Variants in NEK4 observed in about 807,000 individuals in gnomAD.
NEK4 encodes NIMA related kinase 4.
Under a neutral mutation model 98.4 loss-of-function variants are expected in NEK4, and 86 were observed. The ratio of observed to expected loss-of-function variants is 0.87; its 90% CI spans 0.73 to 1.05. The LOEUF (loss-of-function observed/expected upper bound fraction) is 1.05, where lower values mean the gene tolerates loss of function less well. NEK4 is among the 50% of genes least tolerant of loss of function. NEK4 has a pLI of 0.00. For synonymous variants in NEK4, 328 were observed against 342.2 expected (o/e 0.96, Z 0.46); for missense variants, 898 against 950.3 (o/e 0.94, Z 0.72).
chr3:52,728,972 T>C (rs763013152), intron 15 of NEK4, among the ~76,000 whole-genome samples: 3 of 152,108 alleles, frequency 2.0e-5, no homozygotes, highest in Non-Finnish European at 4.4e-5. Flanking sequence ...GGTTCTCTGC[T>C]CTCGAACTGT....
chr3:52,749,038 G>C (rs982546514), intron 8 of NEK4, among the ~76,000 whole-genome samples: 9 of 152,024 alleles, frequency 5.9e-5, no homozygotes, highest in Non-Finnish European at 1.5e-5. Context: ...AGTGAGCTGA[G>C]ATCACATCAC....
chr3:52,759,039 T>C (rs544746558), intron 6 of NEK4, among the ~76,000 whole-genome samples: 23 of 148,944 alleles, frequency 1.5e-4, no homozygotes, highest in Non-Finnish European at 2.7e-4. Flanking sequence ...TGTAGTGAGC[T>C]ATGATGATGC....
intron 15 of NEK4, among the ~76,000 whole-genome samples, chr3:52,714,908 T>C (rs1382933973): frequency 1.3e-5 from 2 of 152,122 alleles, no homozygotes; most frequent in Non-Finnish European, 2.9e-5. Context: ...CCCTGCCACT[T>C]TGTCCCCCTC....
intron 6 of NEK4, among the ~76,000 whole-genome samples, chr3:52,757,904 A>C (rs1050230717): frequency 6.6e-6 from 1 of 152,102 alleles, no homozygotes; most frequent in African/African-American, 2.4e-5. Flanking sequence ...GGCCAGGCAC[A>C]GTGGCTCACA....
intron 15 of NEK4, among the ~76,000 whole-genome samples, chr3:52,725,683 TTAAATA>T (rs2097363876): frequency 6.6e-6 from 1 of 152,030 alleles, no homozygotes; most frequent in Non-Finnish European, 1.5e-5. Flanking sequence ...TTTTAGGACA[TTAAATA>T]TAATCTCCAT....
At chr3:52,739,702 T>G in intron 13 of NEK4, 68 bp from the exon 14 acceptor site, 1 of 1,369,768 alleles carries the variant, frequency 7.3e-7, no homozygotes, top group Non-Finnish European at 1.0e-6. Context: ...AAAAATTACG[T>G]GCAAAACGAC....
chr3:52,721,240 T>C (rs922679657), intron 15 of NEK4, among the ~76,000 whole-genome samples: 2 of 152,210 alleles, frequency 1.3e-5, no homozygotes, highest in African/African-American at 4.8e-5. Flanking sequence ...GATAGCTGAT[T>C]GCTGCTTCTG....
In NEK4 at chr3:52,711,859, C is replaced by A. The variant is rs141150064; in HGVS notation, c.2444G>T (p.Arg815Leu). 1 of 1,591,202 alleles carries A rather than the reference C, an allele frequency of 6.3e-7. No homozygotes were observed. Among genetic ancestry groups the A allele is most frequent in the Non-Finnish European group, 8.6e-7 (1 of 1,162,154 alleles). Residue 815 changes from arginine (R) to leucine (L), a missense_variant, in exon 16 of 16, where the codon CGG (arginine) becomes CTG (leucine). By Grantham distance (102) the Arg-to-Leu change is moderately radical. Transcript: ENST00000233027. ...EDEFDREVRLREHMGEKYTTY... is the reference protein window; with the variant it reads ...EDEFDREVRLLEHMGEKYTTY... ...TGTATACTTTTCACCCATGTGCTCCCGCAAACGTACCTATTTGAGAAACAA... is the reference window on the plus strand; with the variant it reads ...TGTATACTTTTCACCCATGTGCTCCAGCAAACGTACCTATTTGAGAAACAA...
At chr3:52,713,575 A>T (rs2097352320) in intron 15 of NEK4, among the ~76,000 whole-genome samples, 1 of 151,850 alleles carries the variant, frequency 6.6e-6, no homozygotes, top group Non-Finnish European at 1.5e-5. Flanking sequence ...CAGGCGGATC[A>T]CCTGAGGTCG....
chr3:52,748,892 C>A (rs2097400563), intron 8 of NEK4, among the ~76,000 whole-genome samples: 1 of 152,052 alleles, frequency 6.6e-6, no homozygotes, highest in African/African-American at 2.4e-5. Flanking sequence ...TTGAGACCAG[C>A]CTAGACAACA....
intron 14 of NEK4, among the ~76,000 whole-genome samples, chr3:52,738,552 G>T (rs550683662): frequency 5.1e-4 from 77 of 152,102 alleles, no homozygotes; most frequent in Admixed American, 1.2e-3. Context: ...CTGGGTTCAA[G>T]AAATCCTCTT....
intron 1 of NEK4, 100 bp downstream of exon 1, chr3:52,770,554 G>C (rs1698739952): frequency 1.1e-6 from 1 of 869,764 alleles, no homozygotes; most frequent in Non-Finnish European, 1.8e-6. Context: ...CGCCATCCGA[G>C]ATGAGCCTCT....
chr3:52,752,933 T>TATATATATATATACACACACAC lies in NEK4; in HGVS notation c.964-598_964-597insGTGTGTGTGTATATATATATAT, dbSNP rs148965312. 4.4e-3 allele frequency among the ~76,000 whole-genome samples: 334 copies of TATATATATATATACACACACAC among 75,058 alleles called. 2 individuals carry two copies. Among genetic ancestry groups the TATATATATATATACACACACAC allele is most frequent in the Middle Eastern group, 0.014 (2 of 142 alleles). The allele number at this position is 75,058 out of a possible 152,430, so 49.2% of individuals were successfully genotyped here. A position where few individuals can be genotyped will look rare whatever the true frequency, so the allele number is the denominator to read the frequency against. ...AAAAAAAAAAATATATATATATATATACACACACACACACACACACAATGG... is the reference window on the plus strand; with the variant it reads ...AAAAAAAAAAATATATATATATATATATATATATATATACACACACACACACACACACACACACACACAATGG... On this transcript the variant is annotated intron_variant, in intron 6 of 15. Transcript: ENST00000233027.
Position 52,744,315 on chromosome 3 carries a change from A to G in NEK4, c.1828-10T>C, listed in dbSNP as rs370929131. On this transcript the variant is annotated splice_polypyrimidine_tract_variant and intron_variant, in intron 10 of 15. Coordinates refer to ENST00000233027, the MANE Select transcript of NEK4 (RefSeq NM_003157.6). Reference sequence around the variant, plus strand: ...CTGATAATGGTCGATCCTTTAAAAGAAAGTCACAGAGTCACTTCCATTCCT... The same window carrying G: ...CTGATAATGGTCGATCCTTTAAAAGGAAGTCACAGAGTCACTTCCATTCCT... 1.2e-6 allele frequency: 2 copies of G among 1,607,492 alleles called. No individual in the cohort carries two copies. The highest frequency in any genetic ancestry group is 8.5e-7 in the Non-Finnish European group (1 of 1,173,996).
chr3:52,711,365 A>G lies in NEK4; in HGVS notation c.*412T>C, dbSNP rs964879885. 2.0e-5 allele frequency: 3 copies of G among 153,640 alleles called. No individual in the cohort carries two copies. Among genetic ancestry groups the G allele is most frequent in the African/African-American group, 7.2e-5 (3 of 41,496 alleles). 9.5% of individuals were successfully genotyped at this position (153,640 alleles called of 1,614,324 possible). ...AAGGTTATTAACAATAGCAGGAATTATGACGACATATTATGTCATTTGTTT... is the reference window on the plus strand; with the variant it reads ...AAGGTTATTAACAATAGCAGGAATTGTGACGACATATTATGTCATTTGTTT... On this transcript the variant is annotated 3_prime_UTR_variant, in exon 16 of 16. Coordinates refer to ENST00000233027, the MANE Select transcript of NEK4 (RefSeq NM_003157.6).
At position 52,766,308 on chromosome 3, in the gene NEK4, T is replaced by C. The variant is rs747375884; in HGVS notation, c.428A>G (p.Asn143Ser). ...TCCTAGGTCCCCTACTTTGATGATG[T>C]TTGTTCTTGTTAGGAAGACATTTTG... ...KTQNVFLTRT[N>S]IIKVGDLGIA... is the part of the protein sequence containing the mutation. The change falls in exon 3 of 16, where the codon AAC becomes AGC. Residue 143 changes from asparagine (N) to serine (S), a missense_variant. By Grantham distance (46) the Asn-to-Ser change is conservative. Coordinates refer to ENST00000233027, the MANE Select transcript of NEK4 (RefSeq NM_003157.6). The C allele has an allele frequency of 1.2e-6, 2 of 1,613,996 alleles. No individual in the cohort carries two copies. Among genetic ancestry groups the C allele is most frequent in the Non-Finnish European group, 8.5e-7 (1 of 1,179,952 alleles).
chr3:52,763,047 C>T (rs1698417476), intron 5 of NEK4, among the ~76,000 whole-genome samples: 1 of 152,182 alleles, frequency 6.6e-6, no homozygotes, highest in Non-Finnish European at 1.5e-5. Context: ...TGAGAGAATT[C>T]TATAAACAGA....
Position 52,746,741 on chromosome 3 carries a change from A to G in NEK4, c.1670T>C (p.Leu557Pro), listed in dbSNP as rs1420856802. The change falls in exon 9 of 16, where the codon CTC becomes CCC. Residue 557 changes from leucine to proline, a missense_variant. Physicochemically the swap from Leu to Pro is moderately conservative, Grantham distance 98 (BLOSUM62 -3). Transcript: ENST00000233027. ...CAAAGCAAAATGACTTACAGCAAAG[A>G]GATCTCTGCGGACCTGTCTCTTTTC... ...RGEKRQVRRD[L>P]FAFQESPPRF... 1 of 1,602,984 alleles carries G rather than the reference A, an allele frequency of 6.2e-7. No individual in the cohort carries two copies. Among genetic ancestry groups the G allele is most frequent in the Non-Finnish European group, 8.5e-7 (1 of 1,174,824 alleles).
At chr3:52,745,912 A>ATAT in intron 10 of NEK4, 149 bp downstream of exon 10, 1 of 690,898 alleles carries the variant, frequency 1.4e-6, no homozygotes. Flanking sequence ...TTGTAGAGAC[A>ATAT]AGGTCTCACT....
Sources: gnomAD v4.1 joint callset for allele counts (sites outside exome capture counted in the v4.1 genomes callset) on GRCh38, gnomAD v4.1.1 for gene constraint, MANE v1.5 for transcripts, NCBI Gene and HGNC (gene_info 2026-07-23, HGNC 2026-07-21) for gene names.